Variants in RIC8B observed in about 807,000 individuals in gnomAD.
RIC8B encodes the protein RIC8 guanine nucleotide exchange factor B.
Under a neutral mutation model 57.5 loss-of-function variants are expected in RIC8B, and 16 were observed. The observed-to-expected ratio is 0.28, with a 90% CI of 0.19 to 0.42. The LOEUF (loss-of-function observed/expected upper bound fraction) is 0.42. RIC8B is among the 10% of genes least tolerant of loss of function. The pLI is 1.00. For missense variants in RIC8B, 481 were observed against 677.0 expected (o/e 0.71, Z 3.21); for synonymous variants, 216 against 250.8 (o/e 0.86, Z 1.31).
chr12:106,835,281 G>T (rs1673228216), intron 4 of RIC8B, among the ~76,000 whole-genome samples: 1 of 151,978 alleles, frequency 6.6e-6, no homozygotes, highest in African/African-American at 2.4e-5. Flanking sequence ...GACCTTTCTG[G>T]TCTTATTACC....
intron 4 of RIC8B, among the ~76,000 whole-genome samples, chr12:106,842,096 A>G (rs1479206882): frequency 1.3e-5 from 2 of 152,210 alleles, no homozygotes. Flanking sequence ...TATTTTCTAC[A>G]TTTAGAAAGA....
intron 2 of RIC8B, among the ~76,000 whole-genome samples, chr12:106,797,710 C>T (rs2044546231): frequency 1.3e-5 from 2 of 152,190 alleles, no homozygotes; most frequent in Non-Finnish European, 2.9e-5. Flanking sequence ...CCTCTACACC[C>T]ATCATCGTTC....
chr12:106,829,452 C>T (rs112812958), intron 4 of RIC8B, among the ~76,000 whole-genome samples: 1 of 152,276 alleles, frequency 6.6e-6, no homozygotes, highest in African/African-American at 2.4e-5. Flanking sequence ...CTTTTACTCA[C>T]TGAGTACATT....
intron 2 of RIC8B, among the ~76,000 whole-genome samples, chr12:106,799,517 T>C (rs920656412): frequency 4.6e-5 from 7 of 152,314 alleles, no homozygotes; most frequent in Admixed American, 1.3e-4. Context: ...TCCAGGTGCT[T>C]TTTTTACTTC....
At chr12:106,827,297 A>G (rs185555090) in intron 4 of RIC8B, among the ~76,000 whole-genome samples, 52 of 152,328 alleles carry the variant, frequency 3.4e-4, no homozygotes, top group African/African-American at 1.0e-3. Context: ...GGCATTTTAA[A>G]CAATTCAAAT....
chr12:106,836,828 A>G (rs2046620885), intron 4 of RIC8B, among the ~76,000 whole-genome samples: 7 of 152,214 alleles, frequency 4.6e-5, no homozygotes, highest in Admixed American at 4.6e-4. Context: ...ATATCCTACA[A>G]GACCAATCTG....
intron 2 of RIC8B, among the ~76,000 whole-genome samples, chr12:106,797,291 T>G (rs1352099741): frequency 6.6e-6 from 1 of 152,206 alleles, no homozygotes. Flanking sequence ...ATGTGTTATA[T>G]CTATACAATG....
At position 106,821,171 on chromosome 12, in the gene RIC8B, T is replaced by C. The variant is rs2045824252; in HGVS notation, c.742-4555T>C. On this transcript the variant is annotated intron_variant, in intron 3 of 9. Coordinates refer to ENST00000392837, the MANE Select transcript of RIC8B (RefSeq NM_001330145.2). Reference sequence around the variant, plus strand: ...AACCCAATTTGACAAATGAGGACAGTGAAGATCAGAGAGTTTAAATTACTT... The same window carrying C: ...AACCCAATTTGACAAATGAGGACAGCGAAGATCAGAGAGTTTAAATTACTT... Among the ~76,000 whole-genome samples the C allele has an allele frequency of 2.6e-5, 4 of 152,322 alleles. No homozygotes were observed. In the South Asian group the frequency reaches 8.3e-4, roughly 32 times the overall value.
rs1391158768 is a variant in RIC8B at position 106,843,890 on chromosome 12, C to T, written c.1104C>T (p.Ser368=). The change falls in exon 6 of 10, where the codon AGC becomes AGT. Residue 368 remains serine (S), a synonymous_variant. Transcript: ENST00000392837. ...SYREGLTPVL[S]LLTECSRAHR... The stretch of plus-strand genomic sequence containing the variant: ...GAGAGGGTCTAACTCCAGTTCTCAG[C>T]TTATTAACCGAATGTTCCCGAGCCC... 5.0e-6 allele frequency: 8 copies of T among 1,613,308 alleles called. No homozygotes were observed. The highest frequency in any genetic ancestry group is 1.7e-5 in the Admixed American group (1 of 59,968).
intron 8 of RIC8B, among the ~76,000 whole-genome samples, chr12:106,862,087 T>A (rs545018811): frequency 6.6e-6 from 1 of 152,208 alleles, no homozygotes; most frequent in East Asian, 1.9e-4. Context: ...ACAGCCATGA[T>A]TAGTATTGTT....
chr12:106,872,209 C>T (rs993021359), intron 9 of RIC8B, among the ~76,000 whole-genome samples: 2 of 152,182 alleles, frequency 1.3e-5, no homozygotes, highest in African/African-American at 4.8e-5. Flanking sequence ...AATGTTCCCT[C>T]CCAGAAGGGA....
In RIC8B at chr12:106,783,974, T is replaced by A. The variant is rs373804342; in HGVS notation, c.85-23T>A. The A allele has an allele frequency of 5.6e-6, 9 of 1,609,066 alleles. No individual in the cohort carries two copies. The African/African-American group carries it at 1.1e-4, about 19-fold the overall frequency. ...AAAATACATGTATTTAAAATGACAT[T>A]GTTTCCCTTTTTTCCCCCTCAGCAT... is the stretch of plus-strand genomic sequence containing the variant. On this transcript the variant is annotated intron_variant, in intron 1 of 9. Coordinates refer to ENST00000392837, the MANE Select transcript of RIC8B (RefSeq NM_001330145.2).
intron 3 of RIC8B, among the ~76,000 whole-genome samples, chr12:106,816,322 G>C (rs566944838): frequency 4.5e-4 from 68 of 152,298 alleles, no homozygotes; most frequent in African/African-American, 1.5e-3. Flanking sequence ...CATTGTTATA[G>C]GGGGAATATG....
At chr12:106,875,422 C>T (rs1950617572) in intron 9 of RIC8B, among the ~76,000 whole-genome samples, 1 of 152,180 alleles carries the variant, frequency 6.6e-6, no homozygotes, top group African/African-American at 2.4e-5. Flanking sequence ...AGCAAGCCCA[C>T]TGTGCCTAAT....
intron 2 of RIC8B, among the ~76,000 whole-genome samples, chr12:106,787,777 C>T (rs545635720): frequency 1.3e-5 from 2 of 152,280 alleles, no homozygotes; most frequent in Middle Eastern, 6.8e-3. Context: ...CACCATGCTC[C>T]TCCCACAGTG....
intron 8 of RIC8B, among the ~76,000 whole-genome samples, chr12:106,866,688 G>GC (rs111675380): frequency 0.071 from 10,852 of 152,036 alleles, 498 homozygotes; most frequent in African/African-American, 0.13. Flanking sequence ...TTTACACAGT[G>GC]TTCTTAAAAT....
intron 8 of RIC8B, among the ~76,000 whole-genome samples, chr12:106,864,414 G>A (rs1488247854): frequency 6.6e-6 from 1 of 152,064 alleles, no homozygotes; most frequent in Non-Finnish European, 1.5e-5. Context: ...TTTATTGAGT[G>A]CTTAATATGT....
At chr12:106,829,432 A>G (rs12312501) in intron 4 of RIC8B, among the ~76,000 whole-genome samples, 96 of 152,260 alleles carry the variant, frequency 6.3e-4, no homozygotes, top group African/African-American at 1.9e-3. Context: ...TAGGCTCTCA[A>G]TCTCGTTTTC....
chr12:106,840,457 A>G (rs989350103), intron 4 of RIC8B, among the ~76,000 whole-genome samples: 4 of 152,188 alleles, frequency 2.6e-5, no homozygotes, highest in African/African-American at 7.2e-5. Context: ...TGCAAACACT[A>G]TTGTGCAGAT....
Sources: gnomAD v4.1 joint callset for allele counts (sites outside exome capture counted in the v4.1 genomes callset) on GRCh38, gnomAD v4.1.1 for gene constraint, MANE v1.5 for transcripts, NCBI Gene and HGNC (gene_info 2026-07-23, HGNC 2026-07-21) for gene names.